The following BBC3 variants were observed in gnomAD, a reference collection of about 807,000 sequenced individuals.
BBC3 encodes the protein bcl-2-binding component 3.
Under a neutral mutation model 18.2 loss-of-function variants are expected in BBC3, and 5 were observed. The ratio of observed to expected loss-of-function variants is 0.27; its 90% CI spans 0.14 to 0.58. The LOEUF is 0.58. BBC3 is among the 20% of genes least tolerant of loss of function. The probability of loss-of-function intolerance (pLI) is 0.91; values close to 1 mark genes in which losing one functional copy is unlikely to be tolerated. For missense variants in BBC3, 224 were observed against 268.9 expected (o/e 0.83, Z 1.17); for synonymous variants, 119 against 128.0 (o/e 0.93, Z 0.47).
At chr19:47,221,968 A>C in intron 3 of BBC3, 50 bp from the exon 4 acceptor site, 2 of 1,504,848 alleles carry the variant, frequency 1.3e-6, no homozygotes, top group Middle Eastern at 1.8e-4. Context: ...GAGTATGGTG[A>C]TGGGAGTGGG....
chr19:47,231,336 G>T, upstream of BBC3: 1 of 433,840 alleles, frequency 2.3e-6, no homozygotes, highest in Non-Finnish European at 3.1e-6. This position sits in a 1 kb window ranked among gnomAD's most constrained non-coding sequence, Gnocchi z 4.0. Flanking sequence ...GTCAGGACTT[G>T]CAGGCGCGCG....
chr19:47,228,817 A>T lies in BBC3; in HGVS notation c.-15-371T>A, dbSNP rs2058874112. Among the ~76,000 whole-genome samples the T allele has an allele frequency of 6.6e-6, 1 of 151,914 alleles. No homozygotes were observed. Among genetic ancestry groups the T allele is most frequent in the Non-Finnish European group, 1.5e-5 (1 of 67,958 alleles). ...ACTCACAGCATGGGCTGGTGGGGAC[A>T]ACTTTCCCAACACAGCGACGGGCAC... On this transcript the variant is annotated intron_variant, in intron 1 of 3. Transcript: ENST00000439096. The surrounding 1 kb of genome is among the most constrained non-coding windows in gnomAD (Gnocchi z 5.5).
In BBC3 at chr19:47,230,052, CACT is replaced by C. The variant is rs529958058; in HGVS notation, c.-16+874_-16+876del. 4.9e-4 allele frequency among the ~76,000 whole-genome samples: 74 copies of C among 152,070 alleles called. No homozygotes were observed. The highest frequency in any genetic ancestry group is 7.2e-4 in the Admixed American group (11 of 15,272). On this transcript the variant is annotated intron_variant, in intron 1 of 3. Coordinates refer to ENST00000439096, the MANE Select transcript of BBC3 (RefSeq NM_014417.5). The surrounding 1 kb of genome is among the most constrained non-coding windows in gnomAD (Gnocchi z 6.7). ...ACAGCTCACTCCAGCAACACACACA[CACT>C]ACAACCTCCACACCCCAGCACACGC...
intron 3 of BBC3, among the ~76,000 whole-genome samples, chr19:47,222,931 A>AGT (rs2123358454): frequency 7.9e-6 from 1 of 127,132 alleles, no homozygotes; most frequent in Admixed American, 9.6e-5. Context: ...GTGCCATTGC[A>AGT]CTCCAGCCTG....
Position 47,221,033 on chromosome 19 carries a change from T to G in BBC3, c.*769A>C. 1.4e-5 allele frequency: 2 copies of G among 143,670 alleles called. No individual in the cohort carries two copies. The allele number at this position is 143,670 out of a possible 1,614,324, so 8.9% of individuals were successfully genotyped here. A position where few individuals can be genotyped will look rare whatever the true frequency, so the allele number is the denominator to read the frequency against. On this transcript the variant is annotated 3_prime_UTR_variant, in exon 4 of 4. Transcript: ENST00000439096. ...GACTCCCCGTCTTCCCCCCAGCGCTTGGCCCTGGGGACTAAGGCTGGGGCG... is the reference window on the plus strand; with the variant it reads ...GACTCCCCGTCTTCCCCCCAGCGCTGGGCCCTGGGGACTAAGGCTGGGGCG...
In BBC3 at chr19:47,228,309, C is replaced by A. The variant is rs1365125961; in HGVS notation, c.123G>T (p.Glu41Asp). 24 of 1,224,166 alleles carry A rather than the reference C, an allele frequency of 2.0e-5. No individual in the cohort carries two copies. Among genetic ancestry groups the A allele is most frequent in the Non-Finnish European group, 2.2e-5 (22 of 983,366 alleles). 75.8% of individuals were successfully genotyped at this position (1,224,166 alleles called of 1,614,324 possible). The change falls in exon 2 of 4, where the codon GAG becomes GAT. Residue 41 changes from glutamate (E) to aspartate (D), a missense_variant. Coordinates refer to ENST00000439096, the MANE Select transcript of BBC3 (RefSeq NM_014417.5). The surrounding 1 kb of genome is among the most constrained non-coding windows in gnomAD (Gnocchi z 5.5). ...VPSAVSCGLC[E>D]PGLAAAPAAP... The stretch of plus-strand genomic sequence containing the variant: ...CGGCGGGGGCGGCAGCCAGGCCGGG[C>A]TCGCAGAGGCCGCAGGACACTGCCG...
At chr19:47,229,060 C>T (rs537641433) in intron 1 of BBC3, among the ~76,000 whole-genome samples, 4 of 152,202 alleles carry the variant, frequency 2.6e-5, no homozygotes, top group African/African-American at 7.2e-5. Flanking sequence ...CTACATACTG[C>T]GCACACTGGC....
chr19:47,229,241 A>T (rs1426906075), intron 1 of BBC3, among the ~76,000 whole-genome samples: 1 of 151,490 alleles, frequency 6.6e-6, no homozygotes, highest in Non-Finnish European at 1.5e-5. Context: ...ACACACACAC[A>T]CTCACTCCAG....
chr19:47,228,119 C>A lies in BBC3; in HGVS notation c.274+39G>T, dbSNP rs754860266. On this transcript the variant is annotated intron_variant, in intron 2 of 3. Coordinates refer to ENST00000439096, the MANE Select transcript of BBC3 (RefSeq NM_014417.5). The surrounding 1 kb of genome is among the most constrained non-coding windows in gnomAD (Gnocchi z 5.5). The stretch of plus-strand genomic sequence containing the variant: ...CTCCGAGTCTCCAGCCCTCTCTCTT[C>A]CCGGCTCCTATCACCCCGGGGGCGG... 2.2e-5 allele frequency: 27 copies of A among 1,223,288 alleles called. No homozygotes were observed. Among genetic ancestry groups the A allele is most frequent in the Non-Finnish European group, 2.5e-5 (25 of 980,734 alleles). 75.8% of individuals were successfully genotyped at this position (1,223,288 alleles called of 1,614,324 possible).
rs1397437106 is a variant in BBC3, at chr19:47,230,070, C to A, written c.-16+859G>T. ...ACACACACACTACAACCTCCACACC[C>A]CAGCACACGCAGGCACCACAGACCC... On this transcript the variant is annotated intron_variant, in intron 1 of 3. Coordinates refer to ENST00000439096, the MANE Select transcript of BBC3 (RefSeq NM_014417.5). This position sits in a 1 kb window ranked among gnomAD's most constrained non-coding sequence, Gnocchi z 6.7. 6.6e-6 allele frequency among the ~76,000 whole-genome samples: 1 copy of A among 151,940 alleles called. No individual in the cohort carries two copies. Among genetic ancestry groups the A allele is most frequent in the Non-Finnish European group, 1.5e-5 (1 of 67,980 alleles).
intron 3 of BBC3, chr19:47,222,305 C>A: frequency 5.8e-6 from 1 of 171,062 alleles, no homozygotes; most frequent in Non-Finnish European, 1.2e-5. Context: ...ACAGTCTTGG[C>A]AGTTCTAGAA....
Position 47,230,392 on chromosome 19 carries a change from C to T in BBC3, c.-16+537G>A, listed in dbSNP as rs2058895877. ...CGGCGGTCCCAGACACCCCCCTCCG[C>T]TGTCACAGCCCCCCCCACCGCCGCC... On this transcript the variant is annotated intron_variant, in intron 1 of 3. Coordinates refer to ENST00000439096, the MANE Select transcript of BBC3 (RefSeq NM_014417.5). This position sits in a 1 kb window ranked among gnomAD's most constrained non-coding sequence, Gnocchi z 6.7. 6.6e-6 allele frequency among the ~76,000 whole-genome samples: 1 copy of T among 151,298 alleles called. No individual in the cohort carries two copies. Among genetic ancestry groups the T allele is most frequent in the Non-Finnish European group, 1.5e-5 (1 of 67,444 alleles).
At chr19:47,232,593 C>G (rs982515440), upstream of BBC3, 1 of 1,534,050 alleles carries the variant, frequency 6.5e-7, no homozygotes, top group Admixed American at 2.0e-5. Context: ...GACCCCATGC[C>G]AAATTTCATC....
chr19:47,231,076 G>T lies in BBC3; in HGVS notation c.-163C>A. ...CGCTCTAACTGCAGTGGCGGCTGCT[G>T]TGGCTGTGGCTGCTGCTGCTCCCCG... On this transcript the variant is annotated 5_prime_UTR_variant, in exon 1 of 4. Coordinates refer to ENST00000439096, the MANE Select transcript of BBC3 (RefSeq NM_014417.5). This position sits in a 1 kb window ranked among gnomAD's most constrained non-coding sequence, Gnocchi z 4.0. 1.0e-6 allele frequency: 1 copy of T among 965,014 alleles called. No individual in the cohort carries two copies. The highest frequency in any genetic ancestry group is 1.2e-6 in the Non-Finnish European group (1 of 810,586). The allele number at this position is 965,014 out of a possible 1,614,324, so 59.8% of individuals were successfully genotyped here. A position where few individuals can be genotyped will look rare whatever the true frequency, so the allele number is the denominator to read the frequency against.
upstream of BBC3, chr19:47,232,793 T>C: frequency 2.1e-6 from 1 of 484,894 alleles, no homozygotes; most frequent in Non-Finnish European, 3.7e-6. Flanking sequence ...TTCCAGTGCC[T>C]AGTGTGGGGC....
rs2123399199 is a variant in BBC3 at position 47,230,772 on chromosome 19, A to T, written c.-16+157T>A. The stretch of plus-strand genomic sequence containing the variant: ...ACGCCGAGCCGCCTCTCACCCGGCG[A>T]CCCTGGCCCAGGGTCCCTCGCGGGG... On this transcript the variant is annotated intron_variant, in intron 1 of 3. Coordinates refer to ENST00000439096, the MANE Select transcript of BBC3 (RefSeq NM_014417.5). The surrounding 1 kb of genome is among the most constrained non-coding windows in gnomAD (Gnocchi z 6.7). 1.0e-6 allele frequency: 1 copy of T among 984,994 alleles called. No individual in the cohort carries two copies. Among genetic ancestry groups the T allele is most frequent in the Middle Eastern group, 5.2e-4 (1 of 1,910 alleles). The allele number at this position is 984,994 out of a possible 1,614,324, so 61.0% of individuals were successfully genotyped here.
chr19:47,231,554 A>G (rs1336740909), upstream of BBC3, among the ~76,000 whole-genome samples: 1 of 152,144 alleles, frequency 6.6e-6, no homozygotes, highest in African/African-American at 2.4e-5. The surrounding 1 kb of genome is among the most constrained non-coding windows in gnomAD (Gnocchi z 4.0). Context: ...CGGGCGTTCC[A>G]GGGTCCACAA....
At chr19:47,231,868 A>C (rs535868842), upstream of BBC3, among the ~76,000 whole-genome samples, 4 of 152,260 alleles carry the variant, frequency 2.6e-5, no homozygotes, top group East Asian at 5.8e-4. This position sits in a 1 kb window ranked among gnomAD's most constrained non-coding sequence, Gnocchi z 4.0. Context: ...ACGGTGGTGC[A>C]ACCACACAGA....
upstream of BBC3, chr19:47,231,236 G>GCCCC: frequency 6.3e-6 from 6 of 945,354 alleles, no homozygotes; most frequent in Non-Finnish European, 7.5e-6. This position sits in a 1 kb window ranked among gnomAD's most constrained non-coding sequence, Gnocchi z 4.0. Flanking sequence ...CTCCAAAGCC[G>GCCCC]CCCCGCCCCG....
Sources: allele counts gnomAD v4.1 joint callset (sites outside exome capture counted in the v4.1 genomes callset), GRCh38; gene constraint gnomAD v4.1.1; non-coding constraint Gnocchi (gnomAD v3.1); transcripts MANE v1.5; gene names NCBI Gene and HGNC (gene_info 2026-07-23, HGNC 2026-07-21).